Variants in KIF13B observed in about 807,000 individuals in gnomAD.
KIF13B encodes kinesin-like protein KIF13B.
KIF13B carries 127 observed loss-of-function variants against 222.0 expected under a neutral mutation model. The ratio of observed to expected loss-of-function variants is 0.57; its 90% CI spans 0.50 to 0.66. The LOEUF (loss-of-function observed/expected upper bound fraction) is 0.66, where lower values mean the gene tolerates loss of function less well. Among genes scored for constraint, KIF13B ranks in the 30% least tolerant of loss-of-function variants. The probability of loss-of-function intolerance (pLI) is 0.00; values close to 1 mark genes in which losing one functional copy is unlikely to be tolerated. For synonymous variants in KIF13B, 976 were observed against 919.0 expected, an observed-to-expected ratio of 1.06 and a Z score of -1.12; for missense variants, 2,173 against 2,379.0, an observed-to-expected ratio of 0.91 and a Z score of 1.80.
At chr8:29,077,756 T>C (rs1232244281) in intron 37 of KIF13B, among the ~76,000 whole-genome samples, 6 of 152,140 alleles carry the variant, frequency 3.9e-5, no homozygotes, top group African/African-American at 1.4e-4. Context: ...CTGAAATGGA[T>C]TCAGGGACTC....
chr8:29,163,604 T>C (rs1020309922), intron 12 of KIF13B, among the ~76,000 whole-genome samples: 2 of 152,178 alleles, frequency 1.3e-5, no homozygotes, highest in African/African-American at 4.8e-5. Context: ...TTGAAAGATA[T>C]CAGTTTGGAT....
At chr8:29,188,675 A>G in intron 4 of KIF13B, 68 bp from the exon 5 acceptor site, 4 of 1,005,768 alleles carry the variant, frequency 4.0e-6, no homozygotes, top group Non-Finnish European at 5.9e-6. Flanking sequence ...TCACAAAACA[A>G]AAACAAAAAT....
chr8:29,175,129 GAAA>G (rs142251589), intron 10 of KIF13B, among the ~76,000 whole-genome samples: 1 of 151,466 alleles, frequency 6.6e-6, no homozygotes, highest in Non-Finnish European at 1.5e-5. Flanking sequence ...TTTAAAAATA[GAAA>G]AAAAAGAGTA....
At chr8:29,086,474 T>C (rs971798719) in intron 37 of KIF13B, among the ~76,000 whole-genome samples, 12 of 152,114 alleles carry the variant, frequency 7.9e-5, no homozygotes, top group Admixed American at 3.3e-4. Flanking sequence ...TAAGCGATCA[T>C]TGCACCACTG....
intron 5 of KIF13B, among the ~76,000 whole-genome samples, chr8:29,187,636 C>T (rs1358133223): frequency 3.3e-5 from 5 of 152,088 alleles, no homozygotes; most frequent in African/African-American, 1.2e-4. Flanking sequence ...TCCTACTGCC[C>T]GAAAACCAGT....
intron 2 of KIF13B, among the ~76,000 whole-genome samples, chr8:29,196,417 G>A (rs966366340): frequency 6.6e-6 from 1 of 152,178 alleles, no homozygotes; most frequent in Non-Finnish European, 1.5e-5. Context: ...CAGACAACTT[G>A]TATCTCTCTG....
chr8:29,155,788 T>C lies in KIF13B; in HGVS notation c.1473A>G (p.Glu491=), dbSNP rs1811494013. The C allele has an allele frequency of 6.3e-7, 1 of 1,599,494 alleles. No homozygotes were observed. Among genetic ancestry groups the C allele is most frequent in the Non-Finnish European group, 8.5e-7 (1 of 1,171,898 alleles). Residue 491 remains glutamate, a synonymous_variant, in exon 14 of 40, where the codon GAA becomes GAG. Transcript: ENST00000524189. ...IQLCGMGILP[E]HCIIDITSEG... ...CTGACGTGATGTCTATAATACAGTGTTCAGGAAGAATTCCCATGCCGCACA... is the reference window on the plus strand; with the variant it reads ...CTGACGTGATGTCTATAATACAGTGCTCAGGAAGAATTCCCATGCCGCACA...
chr8:29,246,827 C>A lies in KIF13B; in HGVS notation c.56-1388G>T, dbSNP rs77183488. 2.0e-5 allele frequency among the ~76,000 whole-genome samples: 3 copies of A among 152,050 alleles called. No homozygotes were observed. In the East Asian group the frequency reaches 5.8e-4, roughly 29 times the overall value. On this transcript the variant is annotated intron_variant, in intron 1 of 39. Coordinates refer to ENST00000524189, the MANE Select transcript of KIF13B (RefSeq NM_015254.4). The stretch of plus-strand genomic sequence containing the variant: ...ATTTATGGTCCATTGATTTTGACAA[C>A]GATGCCAAAACAACCCAATGGAGAA...
At position 29,110,124 on chromosome 8, in the gene KIF13B, C is replaced by G. The variant is rs562563058; in HGVS notation, c.3931-54G>C. ...AAGCTTCTTGATGTACACACACACA[C>G]GTACACGCGTGCACACACAGACACA... On this transcript the variant is annotated intron_variant, in intron 32 of 39. Transcript: ENST00000524189. 3.9e-4 allele frequency: 545 copies of G among 1,392,164 alleles called. 1 individual carries two copies. Among genetic ancestry groups the G allele is most frequent in the Admixed American group, 1.1e-3 (55 of 50,204 alleles). The allele number at this position is 1,392,164 out of a possible 1,614,324, so 86.2% of individuals were successfully genotyped here.
At position 29,253,794 on chromosome 8, in the gene KIF13B, C is replaced by T. The variant is rs116429522; in HGVS notation, c.56-8355G>A. 2.0e-3 allele frequency among the ~76,000 whole-genome samples: 258 copies of T among 128,826 alleles called. 1 individual carries two copies. The highest frequency in any genetic ancestry group is 6.5e-3 in the African/African-American group (216 of 33,430). 84.5% of individuals were successfully genotyped at this position (128,826 alleles called of 152,430 possible). The stretch of plus-strand genomic sequence containing the variant: ...GCAGTGAGCCAAGATTACGACATTA[C>T]ACTCCAGCCTGGGTGAGAAGAGTGA... On this transcript the variant is annotated intron_variant, in intron 1 of 39. Transcript: ENST00000524189.
chr8:29,245,413 C>G lies in KIF13B; in HGVS notation c.82G>C (p.Val28Leu), dbSNP rs573424392. ...RETDLHTKCV[V>L]DVDANKVILN... ...ATAACCTTGTTTGCATCCACATCCA[C>G]CACACATTTGGTATGCAAGTCAGTC... The change falls in exon 2 of 40, where the codon GTG (valine) becomes CTG (leucine). Residue 28 changes from valine to leucine, a missense_variant. By Grantham distance (32) the Val-to-Leu change is conservative. Transcript: ENST00000524189. 1 of 1,601,204 alleles carries G rather than the reference C, an allele frequency of 6.2e-7. No individual in the cohort carries two copies. Among genetic ancestry groups the G allele is most frequent in the Admixed American group, 1.7e-5 (1 of 58,376 alleles).
chr8:29,133,053 CTCTA>C (rs1159384520), intron 22 of KIF13B, among the ~76,000 whole-genome samples: 1 of 152,198 alleles, frequency 6.6e-6, no homozygotes, highest in African/African-American at 2.4e-5. Flanking sequence ...GTCTCCCCCT[CTCTA>C]TCTATCTTTA....
At chr8:29,251,273 G>C (rs1373650594) in intron 1 of KIF13B, among the ~76,000 whole-genome samples, 1 of 152,118 alleles carries the variant, frequency 6.6e-6, no homozygotes, top group African/African-American at 2.4e-5. Context: ...CTTTCTCTTG[G>C]CTTAAAATAC....
chr8:29,077,899 TGCTCTCAACAGATGGGCAACCTG>T (rs1807635159), intron 37 of KIF13B, among the ~76,000 whole-genome samples: 1 of 152,112 alleles, frequency 6.6e-6, no homozygotes, highest in Non-Finnish European at 1.5e-5. Flanking sequence ...GCATGGGCTT[TGCTCTCAACAGATGGGCAACCTG>T]ATTGGTGGGG....
intron 2 of KIF13B, among the ~76,000 whole-genome samples, chr8:29,241,222 G>C (rs1025463431): frequency 2.0e-5 from 3 of 152,140 alleles, no homozygotes; most frequent in Non-Finnish European, 4.4e-5. Flanking sequence ...TCATTTATAG[G>C]AAATGTCCAG....
intron 35 of KIF13B, among the ~76,000 whole-genome samples, chr8:29,107,417 A>G (rs756466753): frequency 3.3e-5 from 5 of 151,868 alleles, no homozygotes; most frequent in Non-Finnish European, 7.4e-5. Flanking sequence ...AATCCCAGCT[A>G]TTTGGGAGGC....
chr8:29,184,320 TA>T (rs541095428), intron 6 of KIF13B, among the ~76,000 whole-genome samples: 97 of 145,182 alleles, frequency 6.7e-4, no homozygotes, highest in Middle Eastern at 3.5e-3. Flanking sequence ...CTTCAGAAAC[TA>T]AAAAAAAAAA....
intron 1 of KIF13B, among the ~76,000 whole-genome samples, chr8:29,262,700 A>AGGGCGCAGGGGCGGGGC (rs1554628135): frequency 7.2e-6 from 1 of 139,502 alleles, no homozygotes. Flanking sequence ...AGAGGGCAAA[A>AGGGCGCAGGGGCGGGGC]GGGCGCAGGG....
Position 29,123,376 on chromosome 8 carries a change from G to C in KIF13B, c.3469C>G (p.Pro1157Ala), listed in dbSNP as rs1405046468. 6.2e-7 allele frequency: 1 copy of C among 1,613,842 alleles called. No homozygotes were observed. The highest frequency in any genetic ancestry group is 1.7e-5 in the Admixed American group (1 of 60,014). ...CCACAGGGTTCATACCATTCTGCTG[G>C]GGCCCCTGGAATACCACTGCCAGCA... ...PSAGSGIPGA[P>A]AEWTPVPGME... The change falls in exon 28 of 40, where the codon CCA (proline) becomes GCA (alanine). Residue 1157 changes from proline (P) to alanine (A), a missense_variant. Pro to Ala is a conservative substitution (Grantham distance 27). Transcript: ENST00000524189.
Sources: allele counts gnomAD v4.1 joint callset (sites outside exome capture counted in the v4.1 genomes callset), GRCh38; gene constraint gnomAD v4.1.1; transcripts MANE v1.5; gene names NCBI Gene and HGNC (gene_info 2026-07-23, HGNC 2026-07-21).